Variants in ARID3B observed in about 807,000 individuals in gnomAD.
ARID3B encodes the protein AT-rich interaction domain 3B.
ARID3B carries 10 observed loss-of-function variants against 51.9 expected under a neutral mutation model. The ratio of observed to expected loss-of-function variants is 0.19; its 90% CI spans 0.12 to 0.33. ARID3B has a LOEUF of 0.33. ARID3B is among the 10% of genes least tolerant of loss of function. ARID3B has a pLI of 1.00. For missense variants in ARID3B, 483 were observed against 716.3 expected (o/e 0.67, Z 3.72); for synonymous variants, 205 against 279.5 (o/e 0.73, Z 2.66).
chr15:74,595,197 C>G (rs570371184), intron 8 of ARID3B, among the ~76,000 whole-genome samples: 1 of 152,038 alleles, frequency 6.6e-6, no homozygotes, highest in South Asian at 2.1e-4. Flanking sequence ...CCATGCCCAG[C>G]TAATTTTAAA....
intron 1 of ARID3B, among the ~76,000 whole-genome samples, chr15:74,542,432 A>G (rs1487789779): frequency 1.3e-5 from 2 of 152,228 alleles, no homozygotes; most frequent in Admixed American, 1.3e-4. Flanking sequence ...CTTTCACAGA[A>G]CACAAAAGGC....
At chr15:74,578,178 T>G (rs8026861) in intron 4 of ARID3B, among the ~76,000 whole-genome samples, 33,544 of 137,452 alleles carry the variant, frequency 0.24, 5,083 homozygotes, top group East Asian at 0.53. Context: ...TGTTTTTTTT[T>G]GTTTTTTTTG....
At chr15:74,541,940 G>T (rs2061596939) in intron 1 of ARID3B, among the ~76,000 whole-genome samples, 2 of 152,204 alleles carry the variant, frequency 1.3e-5, no homozygotes, top group South Asian at 2.1e-4. Context: ...TGTTTGGATC[G>T]CTGGCTGCTT....
At chr15:74,582,457 C>T (rs928419242) in intron 4 of ARID3B, among the ~76,000 whole-genome samples, 2 of 152,114 alleles carry the variant, frequency 1.3e-5, no homozygotes, top group African/African-American at 4.8e-5. Context: ...CGTGAGCCAC[C>T]GCGCCCAGCC....
intron 2 of ARID3B, among the ~76,000 whole-genome samples, chr15:74,550,764 C>T (rs1233433817): frequency 1.3e-5 from 2 of 151,890 alleles, no homozygotes; most frequent in Admixed American, 6.6e-5. Flanking sequence ...TGCTCTAGTA[C>T]TTTGGACAAG....
intron 2 of ARID3B, among the ~76,000 whole-genome samples, chr15:74,545,040 C>G (rs1486518946): frequency 1.3e-5 from 2 of 152,148 alleles, no homozygotes; most frequent in African/African-American, 2.4e-5. Context: ...GAAAGAATGT[C>G]AATACAATCT....
intron 4 of ARID3B, among the ~76,000 whole-genome samples, chr15:74,578,076 C>CA (rs1478809063): frequency 6.8e-6 from 1 of 146,370 alleles, no homozygotes; most frequent in East Asian, 2.1e-4. Flanking sequence ...AGGCTGGTCT[C>CA]AAACTCCTGG....
chr15:74,591,804 C>G lies in ARID3B; in HGVS notation c.1410C>G (p.Ile470Met), dbSNP rs1286777137. 1 of 1,613,168 alleles carries G rather than the reference C, an allele frequency of 6.2e-7. No individual in the cohort carries two copies. ...MARQLPMKIR[I>M]NGREDRAEAS... ...GGCAGCTCCCCATGAAGATCAGGATCAACGGCAGGGGTGAGCCAGGCTCAG... is the reference window on the plus strand; with the variant it reads ...GGCAGCTCCCCATGAAGATCAGGATGAACGGCAGGGGTGAGCCAGGCTCAG... Residue 470 changes from isoleucine to methionine, a missense_variant, in exon 7 of 9, where the codon ATC becomes ATG. By Grantham distance (10) the Ile-to-Met change is conservative. Around this residue, in one of 3 missense-constraint regions of ARID3B, gnomAD observed 265 missense variants for 354.4 expected, o/e 0.75. Transcript: ENST00000346246. The surrounding 1 kb of genome is among the most constrained non-coding windows in gnomAD (Gnocchi z 5.8).
At chr15:74,578,507 G>A (rs1470432138) in intron 4 of ARID3B, among the ~76,000 whole-genome samples, 1 of 152,054 alleles carries the variant, frequency 6.6e-6, no homozygotes, top group African/African-American at 2.4e-5. Context: ...TGAGAACAAG[G>A]GCCCTTAGAC....
At chr15:74,568,254 A>G (rs1203590676) in intron 2 of ARID3B, among the ~76,000 whole-genome samples, 1 of 152,250 alleles carries the variant, frequency 6.6e-6, no homozygotes, top group Non-Finnish European at 1.5e-5. Flanking sequence ...GGAGCTGCCC[A>G]GTGCCATGAC....
At chr15:74,575,429 A>G (rs2061734237) in intron 4 of ARID3B, among the ~76,000 whole-genome samples, 1 of 152,174 alleles carries the variant, frequency 6.6e-6, no homozygotes, top group Admixed American at 6.5e-5. Flanking sequence ...GCCAGGCAGG[A>G]AGGTGCTCAG....
At chr15:74,549,636 T>C (rs1288865459) in intron 2 of ARID3B, among the ~76,000 whole-genome samples, 3 of 151,880 alleles carry the variant, frequency 2.0e-5, no homozygotes. Context: ...TTTAAAAAAC[T>C]GTGCAAAGTA....
intron 7 of ARID3B, among the ~76,000 whole-genome samples, chr15:74,592,165 G>A (rs371067287): frequency 1.6e-3 from 244 of 152,332 alleles, no homozygotes; most frequent in African/African-American, 5.8e-3. Flanking sequence ...GCAGGGCACC[G>A]TCTGCAGGTC....
intron 2 of ARID3B, among the ~76,000 whole-genome samples, chr15:74,569,960 A>G (rs919958419): frequency 2.6e-5 from 4 of 152,030 alleles, no homozygotes; most frequent in African/African-American, 4.8e-5. Flanking sequence ...CTGGGCAACT[A>G]TTTTCCCCAC....
intron 2 of ARID3B, among the ~76,000 whole-genome samples, chr15:74,564,595 G>A (rs915614586): frequency 6.6e-6 from 1 of 152,010 alleles, no homozygotes; most frequent in Non-Finnish European, 1.5e-5. Context: ...GAAGTCTAAC[G>A]ATTTTCTTTT....
chr15:74,592,998 C>T (rs766663667), intron 7 of ARID3B, 140 bp from the exon 8 acceptor site: 12 of 652,148 alleles, frequency 1.8e-5, no homozygotes, highest in Non-Finnish European at 3.1e-5. Context: ...TCCTGCCATA[C>T]CCTACACTCA....
intron 4 of ARID3B, among the ~76,000 whole-genome samples, chr15:74,581,056 C>T (rs1466319580): frequency 6.6e-6 from 1 of 152,184 alleles, no homozygotes; most frequent in Non-Finnish European, 1.5e-5. Context: ...ACCCAGAATG[C>T]CCACAAGCAA....
intron 2 of ARID3B, among the ~76,000 whole-genome samples, chr15:74,569,301 A>G (rs1596257243): frequency 1.3e-5 from 2 of 152,316 alleles, no homozygotes; most frequent in African/African-American, 2.4e-5. Flanking sequence ...AGGGGAGCCC[A>G]TCTCTGTCTT....
chr15:74,573,231 A>C (rs1375049351), intron 4 of ARID3B, 27 bp downstream of exon 4: 1 of 1,602,802 alleles, frequency 6.2e-7, no homozygotes, highest in Admixed American at 1.7e-5. Flanking sequence ...TCATCATTCC[A>C]ATTCAGGGAA....
Sources: gnomAD v4.1 joint callset for allele counts (sites outside exome capture counted in the v4.1 genomes callset) on GRCh38, gnomAD v4.1.1 for gene constraint, gnomAD v4.1.1 regional missense constraint, Gnocchi (gnomAD v3.1) non-coding constraint, MANE v1.5 for transcripts, NCBI Gene and HGNC (gene_info 2026-07-23, HGNC 2026-07-21) for gene names.